The following BIRC6 variants were observed in gnomAD, a reference collection of about 807,000 sequenced individuals.
BIRC6 encodes dual E2 ubiquitin-conjugating enzyme/E3 ubiquitin-protein ligase BIRC6.
Under a neutral mutation model 503.3 loss-of-function variants are expected in BIRC6, and 98 were observed. That is an observed-to-expected ratio of 0.19 (90% CI 0.17 to 0.23). The LOEUF (loss-of-function observed/expected upper bound fraction) is 0.23. Ranked by LOEUF, BIRC6 falls within the 10% of genes least tolerant of loss-of-function variation. The pLI is 1.00. For synonymous variants in BIRC6, 2,240 were observed against 2,078.7 expected (o/e 1.08, Z -2.11); for missense variants, 5,360 against 5,806.0 (o/e 0.92, Z 2.50).
rs544190816 is a variant in BIRC6, at chr2:32,552,230, T to G, written c.13144+2749T>G. ...GGCTACAGGTATACGTTAGATACTT[T>G]GTAATCTTTAAACTTTAATGTTTAA... On this transcript the variant is annotated intron_variant, in intron 65 of 73. Coordinates refer to ENST00000421745, the MANE Select transcript of BIRC6 (RefSeq NM_016252.4). Among the ~76,000 whole-genome samples, 21 of 152,322 alleles carry G rather than the reference T, an allele frequency of 1.4e-4. No individual in the cohort carries two copies. The South Asian group carries it at 4.4e-3, about 32-fold the overall frequency.
chr2:32,499,800 G>A lies in BIRC6; in HGVS notation c.8722G>A (p.Ala2908Thr). 3 of 1,614,002 alleles carry A rather than the reference G, an allele frequency of 1.9e-6. No individual in the cohort carries two copies. The highest frequency in any genetic ancestry group is 2.5e-6 in the Non-Finnish European group (3 of 1,179,868). ...ANLIRPGDAK[A>T]VCGEMTRDQL... is the part of the protein sequence containing the mutation. The stretch of plus-strand genomic sequence containing the variant: ...TCTTATTCGTCCGGGTGATGCAAAA[G>A]CAGTTTGTGGCGAAATGACAAGAGA... The change falls in exon 46 of 74, where the codon GCA (alanine) becomes ACA (threonine). Residue 2908 changes from alanine (A) to threonine (T), a missense_variant. By Grantham distance (58) the Ala-to-Thr change is moderately conservative. Around this residue, in one of 16 missense-constraint regions of BIRC6, gnomAD observed 2,299 missense variants for 2,267.2 expected, o/e 1.01. Transcript: ENST00000421745.
chr2:32,605,176 C>T (rs980699289), intron 71 of BIRC6, among the ~76,000 whole-genome samples: 47 of 152,162 alleles, frequency 3.1e-4, no homozygotes, highest in Non-Finnish European at 6.3e-4. Context: ...AGCCAACGTG[C>T]CCAGCCAGTA....
At chr2:32,431,181 C>CTTTTTTTTTTTTGTTT (rs2044063543) in intron 12 of BIRC6, 91 bp downstream of exon 12, 1 of 65,364 alleles carries the variant, frequency 1.5e-5, no homozygotes. Flanking sequence ...TACTGTTTAT[C>CTTTTTTTTTTTTGTTT]TTTTTTTTTT....
At chr2:32,559,264 A>G (rs1289767252) in intron 65 of BIRC6, among the ~76,000 whole-genome samples, 2 of 152,224 alleles carry the variant, frequency 1.3e-5, no homozygotes, top group Non-Finnish European at 2.9e-5. Context: ...AAGGATAGTG[A>G]CTTCACTTGC....
At chr2:32,529,626 A>G (rs1327190016) in intron 59 of BIRC6, 25 bp from the exon 60 acceptor site, 2 of 1,506,896 alleles carry the variant, frequency 1.3e-6, no homozygotes, top group Non-Finnish European at 1.8e-6. Flanking sequence ...CGGTTTCCAG[A>G]TTTAACTTAG....
chr2:32,579,638 A>G (rs1181841974), intron 66 of BIRC6, among the ~76,000 whole-genome samples: 1 of 152,148 alleles, frequency 6.6e-6, no homozygotes, highest in Non-Finnish European at 1.5e-5. Context: ...ACAGTGAGCT[A>G]TGATTTTACC....
At chr2:32,590,767 A>G in intron 66 of BIRC6, 16 of 982,072 alleles carry the variant, frequency 1.6e-5, no homozygotes, top group Non-Finnish European at 1.9e-5. Context: ...AATTCTGTGC[A>G]ATAGTGGAAA....
Position 32,357,268 on chromosome 2 carries a change from C to T in BIRC6, c.107C>T (p.Ala36Val). 1 of 1,521,888 alleles carries T rather than the reference C, an allele frequency of 6.6e-7. No homozygotes were observed. Among genetic ancestry groups the T allele is most frequent in the Non-Finnish European group, 8.8e-7 (1 of 1,138,384 alleles). The allele number at this position is 1,521,888 out of a possible 1,614,324, so 94.3% of individuals were successfully genotyped here. A position where few individuals can be genotyped will look rare whatever the true frequency, so the allele number is the denominator to read the frequency against. The change falls in exon 1 of 74, where the codon GCC becomes GTC. Residue 36 changes from alanine to valine, a missense_variant. By Grantham distance (64) the Ala-to-Val change is moderately conservative. Transcript: ENST00000421745. This position sits in a 1 kb window ranked among gnomAD's most constrained non-coding sequence, Gnocchi z 4.9. ...GRKMAAAAAA[A>V]SGPGCSSAAG... is the part of the protein sequence containing the mutation. ...AAGATGGCGGCTGCGGCTGCGGCGGCCTCGGGCCCCGGCTGCTCCTCGGCG... is the reference window on the plus strand; with the variant it reads ...AAGATGGCGGCTGCGGCTGCGGCGGTCTCGGGCCCCGGCTGCTCCTCGGCG...
Position 32,502,796 on chromosome 2 carries a change from G to A in BIRC6, c.9209G>A (p.Gly3070Asp), listed in dbSNP as rs777695841. Residue 3070 changes from glycine to aspartate, a missense_variant and splice_region_variant, in exon 48 of 74, where the codon GGC becomes GAC. Gly to Asp is a moderately conservative substitution (Grantham distance 94, BLOSUM62 -1). Coordinates refer to ENST00000421745, the MANE Select transcript of BIRC6 (RefSeq NM_016252.4). ...TAATATGCATATTTCATTTTTTAGG[G>A]CTCTCTTGCTACTTGCCAGTTATCT... is the stretch of plus-strand genomic sequence containing the variant. ...YMACGYMGRQ[G>D]SLATCQLSEP... The A allele has an allele frequency of 6.2e-7, 1 of 1,607,542 alleles. No individual in the cohort carries two copies. Among genetic ancestry groups the A allele is most frequent in the Admixed American group, 1.7e-5 (1 of 58,996 alleles).
At chr2:32,428,568 A>G (rs74574368) in intron 10 of BIRC6, among the ~76,000 whole-genome samples, 5,159 of 152,246 alleles carry the variant, frequency 0.034, 101 homozygotes, top group Middle Eastern at 0.065. Context: ...TTCTTCTGCT[A>G]TGCTGGAAGT....
At chr2:32,524,273 AAC>A (rs1172943392) in intron 57 of BIRC6, among the ~76,000 whole-genome samples, 2 of 152,158 alleles carry the variant, frequency 1.3e-5, no homozygotes, top group African/African-American at 2.4e-5. Context: ...TTTAAAGTAA[AAC>A]ACATTAAATT....
rs1262809861 is a variant in BIRC6 at position 32,618,244 on chromosome 2, AGAGT to A, written c.*344_*347del. 6.1e-6 allele frequency: 1 copy of A among 162,674 alleles called. No individual in the cohort carries two copies. Among genetic ancestry groups the A allele is most frequent in the African/African-American group, 2.4e-5 (1 of 41,590 alleles). The allele number at this position is 162,674 out of a possible 1,614,324, so 10.1% of individuals were successfully genotyped here. A position where few individuals can be genotyped will look rare whatever the true frequency, so the allele number is the denominator to read the frequency against. Reference sequence around the variant, plus strand: ...TTTTATTTTATTTTTTTTTTACTATAGAGTGAGGGGTTGTTAACAAAGAATATAT... The same window carrying A: ...TTTTATTTTATTTTTTTTTTACTATAGAGGGGTTGTTAACAAAGAATATAT... On this transcript the variant is annotated 3_prime_UTR_variant, in exon 74 of 74. Transcript: ENST00000421745.
chr2:32,413,952 A>G (rs933502214), intron 9 of BIRC6, among the ~76,000 whole-genome samples: 5 of 152,214 alleles, frequency 3.3e-5, no homozygotes, highest in African/African-American at 9.6e-5. Context: ...AAGTTTGTAC[A>G]TGTTGTACAT....
chr2:32,360,856 A>G (rs184596789), intron 1 of BIRC6, among the ~76,000 whole-genome samples: 1 of 152,214 alleles, frequency 6.6e-6, no homozygotes, highest in East Asian at 1.9e-4. Flanking sequence ...ATTTGTTTAT[A>G]TATCCCTTCC....
chr2:32,482,103 T>A (rs182303770), intron 38 of BIRC6, among the ~76,000 whole-genome samples: 10 of 151,972 alleles, frequency 6.6e-5, no homozygotes, highest in African/African-American at 2.4e-4. Flanking sequence ...TTGCAGAGTC[T>A]ACTTGTATGT....
At chr2:32,453,988 G>C (rs2046977932) in intron 23 of BIRC6, 46 bp downstream of exon 23, 2 of 1,344,776 alleles carry the variant, frequency 1.5e-6, no homozygotes, top group African/African-American at 3.0e-5. Flanking sequence ...ACTTTATGCA[G>C]TAATAAAGTG....
chr2:32,363,769 A>G (rs953532440), intron 1 of BIRC6, among the ~76,000 whole-genome samples: 1 of 152,214 alleles, frequency 6.6e-6, no homozygotes, highest in African/African-American at 2.4e-5. Context: ...GGTGGGGAAG[A>G]CTAAGTGGTC....
In BIRC6 at chr2:32,469,434, C is replaced by T. The variant is rs2048895841; in HGVS notation, c.6167C>T (p.Ala2056Val). 2 of 1,613,830 alleles carry T rather than the reference C, an allele frequency of 1.2e-6. No homozygotes were observed. The highest frequency in any genetic ancestry group is 8.5e-7 in the Non-Finnish European group (1 of 1,179,802). Residue 2056 changes from alanine (A) to valine (V), a missense_variant, in exon 30 of 74, where the codon GCC (alanine) becomes GTC (valine). Ala to Val is a moderately conservative substitution (Grantham distance 64, BLOSUM62 0). This residue lies in a region of BIRC6 where 2,299 missense variants were observed against 2,267.2 expected (regional missense o/e 1.01). Transcript: ENST00000421745. ...GCAGTTTTGCAGAGCACATTTCATG[C>T]CCAGGCCTGTGAAGAGCTCTTTAAA... is the stretch of plus-strand genomic sequence containing the variant. Reference protein sequence around the residue: ...VPAVLQSTFHAQACEELFKHL... With the variant: ...VPAVLQSTFHVQACEELFKHL...
At chr2:32,505,859 CT>C (rs199788106) in intron 50 of BIRC6, among the ~76,000 whole-genome samples, 18 of 147,662 alleles carry the variant, frequency 1.2e-4, no homozygotes, top group Non-Finnish European at 9.0e-5. Context: ...TACTCATTTG[CT>C]TTTTTTTTTG....
Sources: allele counts gnomAD v4.1 joint callset (sites outside exome capture counted in the v4.1 genomes callset), GRCh38; gene constraint gnomAD v4.1.1; regional missense constraint gnomAD v4.1.1; non-coding constraint Gnocchi (gnomAD v3.1); transcripts MANE v1.5; gene names NCBI Gene and HGNC (gene_info 2026-07-23, HGNC 2026-07-21).